The following KBTBD8 variants were observed in gnomAD, a reference collection of about 807,000 sequenced individuals.
KBTBD8 encodes the protein kelch repeat and BTB domain-containing protein 8.
KBTBD8 carries 31 observed loss-of-function variants against 53.5 expected under a neutral mutation model. That is an observed-to-expected ratio of 0.58 (90% CI 0.44 to 0.78). KBTBD8 has a LOEUF of 0.78. Ranked by LOEUF, KBTBD8 falls within the 30% of genes least tolerant of loss-of-function variation. KBTBD8 has a pLI of 0.00. For synonymous variants in KBTBD8, 250 were observed against 247.3 expected (o/e 1.01, Z -0.10); for missense variants, 642 against 735.8 (o/e 0.87, Z 1.48).
In KBTBD8 at chr3:67,004,125, C is replaced by G; in HGVS notation, c.1158C>G (p.Val386=). 2 of 1,614,208 alleles carry G rather than the reference C, an allele frequency of 1.2e-6. No individual in the cohort carries two copies. The highest frequency in any genetic ancestry group is 1.7e-6 in the Non-Finnish European group (2 of 1,180,032). ...GAGCCAGAATAGGCTGCAAACTTGT[C>G]TATTGCTGTGGTAAAATGTATGCAA... ...LLRARIGCKL[V]YCCGKMYAIG... is the part of the protein sequence containing the mutation. The change falls in exon 3 of 4, where the codon GTC becomes GTG. Residue 386 remains valine (V), a synonymous_variant. Coordinates refer to ENST00000417314, the MANE Select transcript of KBTBD8 (RefSeq NM_032505.3).
At chr3:66,999,408 C>CTG (rs1161346052) in intron 2 of KBTBD8, among the ~76,000 whole-genome samples, 5 of 152,002 alleles carry the variant, frequency 3.3e-5, no homozygotes, top group Admixed American at 6.6e-5. Flanking sequence ...GTTAGTGGGC[C>CTG]TGTGTGTGTG....
At chr3:67,002,781 A>G (rs34568685) in intron 2 of KBTBD8, among the ~76,000 whole-genome samples, 19,234 of 152,070 alleles carry the variant, frequency 0.13, 1,577 homozygotes, top group African/African-American at 0.23. Flanking sequence ...AATTACAGGC[A>G]TGAGCCACCA....
rs1306569189 is a variant in KBTBD8, at chr3:67,003,207, T to A, written c.240T>A (p.Thr80=). 1 of 1,612,536 alleles carries A rather than the reference T, an allele frequency of 6.2e-7. No homozygotes were observed. The highest frequency in any genetic ancestry group is 1.3e-5 in the African/African-American group (1 of 74,930). The part of the protein sequence containing the change: ...AISPYFRSMF[T]SGLTESTQKE... The stretch of plus-strand genomic sequence containing the variant: ...CTTTCCTTCTTAGATCCATGTTCAC[T>A]AGCGGCCTTACAGAAAGTACTCAAA... The change falls in exon 3 of 4, where the codon ACT becomes ACA. Residue 80 remains threonine (T), a synonymous_variant. Transcript: ENST00000417314.
chr3:66,999,312 T>A, intron 2 of KBTBD8, 121 bp downstream of exon 2: 1 of 825,074 alleles, frequency 1.2e-6, no homozygotes, highest in Non-Finnish European at 2.0e-6. Context: ...ACTTTGTTTC[T>A]TGAGACTAGA....
intron 2 of KBTBD8, among the ~76,000 whole-genome samples, chr3:67,001,471 G>C (rs1351715477): frequency 2.6e-5 from 4 of 152,170 alleles, no homozygotes; most frequent in African/African-American, 9.6e-5. Flanking sequence ...CTAGAACAGA[G>C]GAAAACTCAT....
chr3:67,005,682 C>T (rs1222194593), intron 3 of KBTBD8, among the ~76,000 whole-genome samples: 2 of 144,126 alleles, frequency 1.4e-5, no homozygotes, highest in African/African-American at 2.5e-5. Context: ...CTTTCTTTCT[C>T]TTTTTTTTTT....
chr3:67,006,876 A>C (rs1406683134), intron 3 of KBTBD8, among the ~76,000 whole-genome samples: 1 of 152,210 alleles, frequency 6.6e-6, no homozygotes, highest in Admixed American at 6.5e-5. Context: ...CAAAGATTTT[A>C]AACAAATGCT....
rs190717279 is a variant in KBTBD8, at chr3:67,009,687, A to G, written c.*1302A>G. On this transcript the variant is annotated 3_prime_UTR_variant, in exon 4 of 4. Transcript: ENST00000417314. ...TTTGCATTTAACTGATGAAATTTCT[A>G]ACAATCATCAGTTAGGAATATTAAC... The G allele has an allele frequency of 3.0e-4, 46 of 152,722 alleles. No homozygotes were observed. Among genetic ancestry groups the G allele is most frequent in the Admixed American group, 3.0e-3 (46 of 15,294 alleles). The allele number at this position is 152,722 out of a possible 1,614,324, so 9.5% of individuals were successfully genotyped here.
At chr3:67,001,379 T>A (rs1702017410) in intron 2 of KBTBD8, among the ~76,000 whole-genome samples, 1 of 152,340 alleles carries the variant, frequency 6.6e-6, no homozygotes, top group East Asian at 1.9e-4. Flanking sequence ...TTTGTATGAT[T>A]ATTAGAAATT....
In KBTBD8 at chr3:67,003,354, C is replaced by G. The variant is rs1409933958; in HGVS notation, c.387C>G (p.Ile129Met). Residue 129 changes from isoleucine to methionine, a missense_variant, in exon 3 of 4, where the codon ATC becomes ATG. By Grantham distance (10) the Ile-to-Met change is conservative. Transcript: ENST00000417314. ...AAGCCTTGTTCACTGCAGCTAGCAT[C>G]TTCCAGATTCCTTCCATCCAAGACC... is the stretch of plus-strand genomic sequence containing the variant. ...NVQALFTAAS[I>M]FQIPSIQDQC... The G allele has an allele frequency of 1.2e-6, 2 of 1,614,208 alleles. No individual in the cohort carries two copies. The highest frequency in any genetic ancestry group is 4.5e-5 in the East Asian group (2 of 44,880).
In KBTBD8 at chr3:66,999,142, A is replaced by G; in HGVS notation, c.178A>G (p.Thr60Ala). 6.2e-7 allele frequency: 1 copy of G among 1,614,182 alleles called. No homozygotes were observed. Among genetic ancestry groups the G allele is most frequent in the Non-Finnish European group, 8.5e-7 (1 of 1,180,018 alleles). Residue 60 changes from threonine (T) to alanine (A), a missense_variant, in exon 2 of 4, where the codon ACA becomes GCA. By Grantham distance (58) the Thr-to-Ala change is moderately conservative (BLOSUM62 0). Coordinates refer to ENST00000417314, the MANE Select transcript of KBTBD8 (RefSeq NM_032505.3). ...TGTAGTGGAAGTGGATCACGGGAAA[A>G]CATTTTCCTGTCATAGAAACGTTCT... ...DIVVEVDHGK[T>A]FSCHRNVLAA...
At position 67,008,460 on chromosome 3, in the gene KBTBD8, C is replaced by T; in HGVS notation, c.*75C>T. 3 of 1,023,070 alleles carry T rather than the reference C, an allele frequency of 2.9e-6. No homozygotes were observed. The highest frequency in any genetic ancestry group is 4.3e-6 in the Non-Finnish European group (3 of 702,066). The allele number at this position is 1,023,070 out of a possible 1,614,324, so 63.4% of individuals were successfully genotyped here. ...TGTCTTTGATACAAAAGAGTGCTGACAGTATTTCAGAAAGCTGAGAGAGTT... is the reference window on the plus strand; with the variant it reads ...TGTCTTTGATACAAAAGAGTGCTGATAGTATTTCAGAAAGCTGAGAGAGTT... On this transcript the variant is annotated 3_prime_UTR_variant, in exon 4 of 4. Transcript: ENST00000417314.
At position 67,008,180 on chromosome 3, in the gene KBTBD8, T is replaced by TC. The variant is rs1702086609; in HGVS notation, c.1603dup (p.His535ProfsTer12). The TC allele has an allele frequency of 6.2e-7, 1 of 1,613,934 alleles. No individual in the cohort carries two copies. ...AAACTGGTACTTTTCCAGAACAAAC[T>TC]CCATTTATTTGTTCGAGCTACTCAA... On this transcript the variant is annotated frameshift_variant, in exon 4 of 4. Coordinates refer to ENST00000417314, the MANE Select transcript of KBTBD8 (RefSeq NM_032505.3). LOFTEE classifies it high-confidence loss of function.
At chr3:67,002,405 A>T (rs961000123) in intron 2 of KBTBD8, among the ~76,000 whole-genome samples, 6 of 151,750 alleles carry the variant, frequency 4.0e-5, no homozygotes, top group Non-Finnish European at 2.9e-5. Context: ...TTTTAAAGAT[A>T]TATTTTGGAT....
In KBTBD8 at chr3:67,008,440, T is replaced by C. The variant is rs1426613679; in HGVS notation, c.*55T>C. On this transcript the variant is annotated 3_prime_UTR_variant, in exon 4 of 4. Coordinates refer to ENST00000417314, the MANE Select transcript of KBTBD8 (RefSeq NM_032505.3). ...CATCTCATTCTTAGGAAACTTGTCT[T>C]TGATACAAAAGAGTGCTGACAGTAT... is the stretch of plus-strand genomic sequence containing the variant. The C allele has an allele frequency of 7.9e-7, 1 of 1,264,912 alleles. No homozygotes were observed. The allele number at this position is 1,264,912 out of a possible 1,614,324, so 78.4% of individuals were successfully genotyped here.
intron 3 of KBTBD8, among the ~76,000 whole-genome samples, chr3:67,006,728 A>G (rs1255730334): frequency 6.6e-6 from 1 of 152,234 alleles, no homozygotes; most frequent in African/African-American, 2.4e-5. Context: ...AGCTCAATTT[A>G]GAATCTGGTA....
chr3:66,998,671 G>A (rs970898377), intron 1 of KBTBD8, among the ~76,000 whole-genome samples: 56 of 152,244 alleles, frequency 3.7e-4, no homozygotes, highest in African/African-American at 1.3e-3. Context: ...TCTGCCCTCG[G>A]CTCTCGGCGG....
Position 67,008,983 on chromosome 3 carries a change from A to C in KBTBD8, c.*598A>C, listed in dbSNP as rs770785047. On this transcript the variant is annotated 3_prime_UTR_variant, in exon 4 of 4. Coordinates refer to ENST00000417314, the MANE Select transcript of KBTBD8 (RefSeq NM_032505.3). The stretch of plus-strand genomic sequence containing the variant: ...TTTAGTCTGATTGTTTCCATTTCCC[A>C]TGTAATTTTAAGTTAAGCTAAAGTT... 1 of 152,614 alleles carries C rather than the reference A, an allele frequency of 6.6e-6. No homozygotes were observed. Among genetic ancestry groups the C allele is most frequent in the Non-Finnish European group, 1.5e-5 (1 of 68,030 alleles). The allele number at this position is 152,614 out of a possible 1,614,324, so 9.5% of individuals were successfully genotyped here.
At chr3:67,004,336 C>A in intron 3 of KBTBD8, 27 bp downstream of exon 3, 1 of 1,594,650 alleles carries the variant, frequency 6.3e-7, no homozygotes, top group South Asian at 1.1e-5. Context: ...TTTAGTTTTT[C>A]ATGGAAGGGT....
Sources: allele counts gnomAD v4.1 joint callset (sites outside exome capture counted in the v4.1 genomes callset), GRCh38; gene constraint gnomAD v4.1.1; transcripts MANE v1.5; gene names NCBI Gene and HGNC (gene_info 2026-07-23, HGNC 2026-07-21).